The following GALNT18 variants were observed in gnomAD, a reference collection of about 807,000 sequenced individuals.
The protein encoded by GALNT18 is GalNAc-transferase 18.
In GALNT18, 44 loss-of-function variants were observed where a neutral mutation model predicts 69.5. The ratio of observed to expected loss-of-function variants is 0.63; its 90% CI spans 0.50 to 0.81. The LOEUF (loss-of-function observed/expected upper bound fraction) is 0.81. Among genes scored for constraint, GALNT18 ranks in the 40% least tolerant of loss-of-function variants. The pLI, the probability that GALNT18 is intolerant of heterozygous loss-of-function variation, is 0.00. For synonymous variants in GALNT18, 364 were observed against 318.2 expected, an observed-to-expected ratio of 1.14 and a Z score of -1.53; for missense variants, 715 against 810.0, an observed-to-expected ratio of 0.88 and a Z score of 1.42.
chr11:11,551,525 G>T (rs1352443386), intron 1 of GALNT18, among the ~76,000 whole-genome samples: 1 of 152,210 alleles, frequency 6.6e-6, no homozygotes, highest in Non-Finnish European at 1.5e-5. Context: ...AATCAAGGGT[G>T]CAGTGGCCTT....
At position 11,602,914 on chromosome 11, in the gene GALNT18, G is replaced by A. The variant is rs1385882597; in HGVS notation, c.235+18445C>T. On this transcript the variant is annotated intron_variant, in intron 1 of 10. Transcript: ENST00000227756. This position sits in a 1 kb window ranked among gnomAD's most constrained non-coding sequence, Gnocchi z 4.7. ...CCAGGTACAGGAGTCAAAATGGGTGGTAAACTTGGGAAATACTAGAATTTA... is the reference window on the plus strand; with the variant it reads ...CCAGGTACAGGAGTCAAAATGGGTGATAAACTTGGGAAATACTAGAATTTA... 2.0e-5 allele frequency among the ~76,000 whole-genome samples: 3 copies of A among 152,164 alleles called. No homozygotes were observed. Among genetic ancestry groups the A allele is most frequent in the Admixed American group, 1.3e-4 (2 of 15,280 alleles).
At chr11:11,278,692 A>T (rs536454210) in intron 10 of GALNT18, among the ~76,000 whole-genome samples, 2 of 152,274 alleles carry the variant, frequency 1.3e-5, no homozygotes, top group South Asian at 2.1e-4. Flanking sequence ...GATGGTTACC[A>T]GAGGCTAAGA....
At position 11,396,666 on chromosome 11, in the gene GALNT18, C is replaced by T. The variant is rs552968885; in HGVS notation, c.596-17402G>A. ...TGGTTGGGGGCAGTAGGGATTAACGCCACCTAATCTAAGGGTGAAAGTGTT... is the reference window on the plus strand; with the variant it reads ...TGGTTGGGGGCAGTAGGGATTAACGTCACCTAATCTAAGGGTGAAAGTGTT... On this transcript the variant is annotated intron_variant, in intron 3 of 10. Transcript: ENST00000227756. The surrounding 1 kb of genome is among the most constrained non-coding windows in gnomAD (Gnocchi z 5.2). Among the ~76,000 whole-genome samples, 2 of 152,190 alleles carry T rather than the reference C, an allele frequency of 1.3e-5. No homozygotes were observed. Among genetic ancestry groups the T allele is most frequent in the East Asian group, 3.9e-4 (2 of 5,160 alleles).
chr11:11,615,664 T>A (rs1196085371), intron 1 of GALNT18, among the ~76,000 whole-genome samples: 2 of 152,206 alleles, frequency 1.3e-5, no homozygotes, highest in East Asian at 1.9e-4. Flanking sequence ...ACTTTTTTTT[T>A]AAAGAAGTAC....
In GALNT18 at chr11:11,602,104, G is replaced by A; in HGVS notation, c.235+19255C>T. 1.3e-5 allele frequency among the ~76,000 whole-genome samples: 2 copies of A among 152,204 alleles called. No homozygotes were observed. Among genetic ancestry groups the A allele is most frequent in the South Asian group, 4.2e-4 (2 of 4,818 alleles). ...GTTCCTACAGCCTGCCCCTATCCCT[G>A]GGCAGAATATCTATACCACTGCTCT... On this transcript the variant is annotated intron_variant, in intron 1 of 10. Coordinates refer to ENST00000227756, the MANE Select transcript of GALNT18 (RefSeq NM_198516.3). The surrounding 1 kb of genome is among the most constrained non-coding windows in gnomAD (Gnocchi z 4.7).
chr11:11,512,033 G>GTTTACATA, intron 1 of GALNT18, among the ~76,000 whole-genome samples: 1 of 152,340 alleles, frequency 6.6e-6, no homozygotes, highest in African/African-American at 2.4e-5. Flanking sequence ...ATGTTTACAT[G>GTTTACATA]TATACATATA....
rs370138613 is a variant in GALNT18, at chr11:11,310,110, CT to C, written c.1513-16918del. Among the ~76,000 whole-genome samples the C allele has an allele frequency of 1.2e-4, 19 of 152,330 alleles. No homozygotes were observed. The East Asian group carries it at 3.1e-3, about 25-fold the overall frequency. Reference sequence around the variant, plus strand: ...GAGAAGTCTACACTTGCTGACTCCACTTCCTCATTTGCTTCCTCAGATAGAG... The same window carrying C: ...GAGAAGTCTACACTTGCTGACTCCACTCCTCATTTGCTTCCTCAGATAGAG... On this transcript the variant is annotated intron_variant, in intron 9 of 10. Coordinates refer to ENST00000227756, the MANE Select transcript of GALNT18 (RefSeq NM_198516.3).
rs1224563738 is a variant in GALNT18 at position 11,470,002 on chromosome 11, G to GC, written c.236-21067dup. Among the ~76,000 whole-genome samples the GC allele has an allele frequency of 2.0e-5, 3 of 152,196 alleles. No homozygotes were observed. Among genetic ancestry groups the GC allele is most frequent in the Non-Finnish European group, 4.4e-5 (3 of 68,040 alleles). ...GAATGAATTGAAGTCCTGTTTGCTTGCCTTTGTAACTGCTTCCCATAGGAA... is the reference window on the plus strand; with the variant it reads ...GAATGAATTGAAGTCCTGTTTGCTTGCCCTTTGTAACTGCTTCCCATAGGAA... On this transcript the variant is annotated intron_variant, in intron 1 of 10. Transcript: ENST00000227756. The surrounding 1 kb of genome is among the most constrained non-coding windows in gnomAD (Gnocchi z 4.8).
intron 1 of GALNT18, among the ~76,000 whole-genome samples, chr11:11,504,404 G>A (rs915473612): frequency 6.6e-6 from 1 of 151,108 alleles, no homozygotes; most frequent in African/African-American, 2.4e-5. Context: ...ATTTTATTCT[G>A]CCCTCAAACA....
chr11:11,552,372 T>A (rs1267726941), intron 1 of GALNT18, among the ~76,000 whole-genome samples: 1 of 152,248 alleles, frequency 6.6e-6, no homozygotes, highest in Admixed American at 6.5e-5. Flanking sequence ...TCATGTTGTA[T>A]CAAAGTTATC....
At chr11:11,316,029 A>G (rs1416206154) in intron 9 of GALNT18, among the ~76,000 whole-genome samples, 4 of 152,218 alleles carry the variant, frequency 2.6e-5, no homozygotes, top group Non-Finnish European at 5.9e-5. Context: ...CAATAAATAC[A>G]GAGACCCAAT....
At chr11:11,282,903 G>T (rs369145988) in intron 10 of GALNT18, among the ~76,000 whole-genome samples, 1 of 151,066 alleles carries the variant, frequency 6.6e-6, no homozygotes, top group Non-Finnish European at 1.5e-5. Flanking sequence ...AGGTGATAAG[G>T]TTGTATACAA....
At position 11,586,079 on chromosome 11, in the gene GALNT18, T is replaced by C. The variant is rs540284384; in HGVS notation, c.235+35280A>G. Among the ~76,000 whole-genome samples, 2 of 152,298 alleles carry C rather than the reference T, an allele frequency of 1.3e-5. No homozygotes were observed. Among genetic ancestry groups the C allele is most frequent in the African/African-American group, 4.8e-5 (2 of 41,570 alleles). On this transcript the variant is annotated intron_variant, in intron 1 of 10. Coordinates refer to ENST00000227756, the MANE Select transcript of GALNT18 (RefSeq NM_198516.3). This position sits in a 1 kb window ranked among gnomAD's most constrained non-coding sequence, Gnocchi z 4.1. Reference sequence around the variant, plus strand: ...AACCCGGCAGTGGGCCCTTACCAAATGCTGAATCTGCTGGCCCCTTGATCT... The same window carrying C: ...AACCCGGCAGTGGGCCCTTACCAAACGCTGAATCTGCTGGCCCCTTGATCT...
chr11:11,381,233 C>T (rs535602860), intron 3 of GALNT18, among the ~76,000 whole-genome samples: 1 of 152,314 alleles, frequency 6.6e-6, no homozygotes, highest in East Asian at 1.9e-4. Flanking sequence ...GTCCATTTCT[C>T]ATATATCCTT....
intron 1 of GALNT18, among the ~76,000 whole-genome samples, chr11:11,548,476 C>A (rs1415060335): frequency 6.6e-6 from 1 of 152,206 alleles, no homozygotes; most frequent in East Asian, 1.9e-4. Flanking sequence ...AGCTTCTGAC[C>A]CCTGCCACTG....
rs1204287160 is a variant in GALNT18 at position 11,469,845 on chromosome 11, C to G, written c.236-20909G>C. ...GGGCCTTTTCCAAGGACCCCCTCAG[C>G]CTGTCTTCCACTCAGCTCCATTGGA... On this transcript the variant is annotated intron_variant, in intron 1 of 10. Transcript: ENST00000227756. The surrounding 1 kb of genome is among the most constrained non-coding windows in gnomAD (Gnocchi z 4.2). Among the ~76,000 whole-genome samples, 1 of 152,170 alleles carries G rather than the reference C, an allele frequency of 6.6e-6. No individual in the cohort carries two copies. Among genetic ancestry groups the G allele is most frequent in the Non-Finnish European group, 1.5e-5 (1 of 68,042 alleles).
At chr11:11,300,529 C>T (rs1849475420) in intron 9 of GALNT18, among the ~76,000 whole-genome samples, 1 of 152,122 alleles carries the variant, frequency 6.6e-6, no homozygotes, top group African/African-American at 2.4e-5. Context: ...GAATTAAGAG[C>T]CCAGCTCTCT....
rs958621682 is a variant in GALNT18 at position 11,309,151 on chromosome 11, A to C, written c.1513-15958T>G. 1.3e-5 allele frequency among the ~76,000 whole-genome samples: 2 copies of C among 152,116 alleles called. No individual in the cohort carries two copies. Among genetic ancestry groups the C allele is most frequent in the African/African-American group, 4.8e-5 (2 of 41,412 alleles). On this transcript the variant is annotated intron_variant, in intron 9 of 10. Coordinates refer to ENST00000227756, the MANE Select transcript of GALNT18 (RefSeq NM_198516.3). This position sits in a 1 kb window ranked among gnomAD's most constrained non-coding sequence, Gnocchi z 4.6. ...GGGAATGGGTTCCTTGTAAAAGGAC[A>C]AGTTTAGTCCCCTCTCTAGCCCTTC...
intron 7 of GALNT18, among the ~76,000 whole-genome samples, chr11:11,336,413 T>C (rs371286564): frequency 1.3e-5 from 2 of 152,216 alleles, no homozygotes; most frequent in East Asian, 3.9e-4. Flanking sequence ...ATTTGAAAAC[T>C]GTGGAAGGAA....
Sources: gnomAD v4.1 joint callset for allele counts (sites outside exome capture counted in the v4.1 genomes callset) on GRCh38, gnomAD v4.1.1 for gene constraint, Gnocchi (gnomAD v3.1) non-coding constraint, MANE v1.5 for transcripts, NCBI Gene and HGNC (gene_info 2026-07-23, HGNC 2026-07-21) for gene names.